Variants in MYH4 observed in about 807,000 individuals in gnomAD.
The protein encoded by MYH4 is myosin heavy chain 4.
A neutral mutation model predicts 229.9 loss-of-function variants in MYH4; 200 were observed. The observed-to-expected ratio is 0.87, with a 90% CI of 0.78 to 0.98. MYH4 has a LOEUF of 0.98. MYH4 is among the 50% of genes least tolerant of loss of function. The probability of loss-of-function intolerance (pLI) is 0.00; values close to 1 mark genes in which losing one functional copy is unlikely to be tolerated. For synonymous variants in MYH4, 761 were observed against 834.6 expected (o/e 0.91, Z 1.52); for missense variants, 2,148 against 2,332.6 (o/e 0.92, Z 1.63).
At chr17:10,465,746 G>T in intron 4 of MYH4, 148 bp from the exon 5 acceptor site, 1 of 940,406 alleles carries the variant, frequency 1.1e-6, no homozygotes, top group Non-Finnish European at 1.5e-6. Flanking sequence ...CATCATTGCT[G>T]CTGCACAAAA....
Position 10,453,152 on chromosome 17 carries a change from A to G in MYH4, c.3111T>C (p.Asp1037=), listed in dbSNP as rs761037249. The change falls in exon 24 of 40, where the codon GAT becomes GAC. Residue 1037 remains aspartate, a splice_region_variant and synonymous_variant. Transcript: ENST00000255381. ...AKTKLEQQVD[D]LEGSLEQEKK... The stretch of plus-strand genomic sequence containing the variant: ...GAAACATTTTCTTTTTCACACTTAC[A>G]TCGTCCACTTGCTGTTCTAGCTTGG... 9 of 1,614,136 alleles carry G rather than the reference A, an allele frequency of 5.6e-6. No individual in the cohort carries two copies. The highest frequency in any genetic ancestry group is 4.4e-5 in the South Asian group (4 of 91,082).
chr17:10,445,470 T>G, intron 35 of MYH4, 108 bp from the exon 36 acceptor site: 1 of 1,443,088 alleles, frequency 6.9e-7, no homozygotes, highest in Non-Finnish European at 9.4e-7. Flanking sequence ...AAGAAATGTT[T>G]AGAATAAAAA....
At chr17:10,468,864 C>G (rs2072793512) in intron 2 of MYH4, among the ~76,000 whole-genome samples, 1 of 152,186 alleles carries the variant, frequency 6.6e-6, no homozygotes, top group Admixed American at 6.5e-5. Context: ...ATTCCACTTG[C>G]AACACACTGT....
In MYH4 at chr17:10,443,747, C is replaced by T. The variant is rs571096789; in HGVS notation, c.5668-220G>A. Among the ~76,000 whole-genome samples, 1 of 152,044 alleles carries T rather than the reference C, an allele frequency of 6.6e-6. No homozygotes were observed. Among genetic ancestry groups the T allele is most frequent in the East Asian group, 1.9e-4 (1 of 5,164 alleles). The stretch of plus-strand genomic sequence containing the variant: ...ACCAGCCTGGCCAACATGGTGAAAC[C>T]CCCATCTTTACTAAAATTAGCCCAG... On this transcript the variant is annotated intron_variant, in intron 39 of 39. Transcript: ENST00000255381. This position sits in a 1 kb window ranked among gnomAD's most constrained non-coding sequence, Gnocchi z 4.6.
rs763676829 is a variant in MYH4 at position 10,449,022 on chromosome 17, C to T, written c.4207G>A (p.Asp1403Asn). ...ACAGCTTCTACATGTTCTTCTGCATCCTGCAGACGCTGGGCTAGCTTCTTC... is the reference window on the plus strand; with the variant it reads ...ACAGCTTCTACATGTTCTTCTGCATTCTGCAGACGCTGGGCTAGCTTCTTC... ...AKKKLAQRLQ[D>N]AEEHVEAVNS... is the part of the protein sequence containing the mutation. The change falls in exon 31 of 40, where the codon GAT (aspartate) becomes AAT (asparagine). Residue 1403 changes from aspartate (D) to asparagine (N), a missense_variant. Transcript: ENST00000255381. 6.8e-6 allele frequency: 11 copies of T among 1,613,980 alleles called. No homozygotes were observed. The highest frequency in any genetic ancestry group is 1.3e-5 in the African/African-American group (1 of 74,928).
rs201920700 is a variant in MYH4 at position 10,460,063 on chromosome 17, G to C, written c.1305C>G (p.Tyr435Ter). 1 of 1,614,042 alleles carries C rather than the reference G, an allele frequency of 6.2e-7. No homozygotes were observed. Among genetic ancestry groups the C allele is most frequent in the Non-Finnish European group, 8.5e-7 (1 of 1,180,022 alleles). Residue 435 changes from tyrosine to a stop codon, truncating the protein, a stop_gained, in exon 14 of 40, where the codon TAC (tyrosine) becomes TAG (stop). Coordinates refer to ENST00000255381, the MANE Select transcript of MYH4 (RefSeq NM_017533.2). LOFTEE classifies it high-confidence loss of function. ...TGACCATCCACAGGAACATCTTCTC[G>C]TAGATGGCTTTGGCCAGAGCACCCA... is the stretch of plus-strand genomic sequence containing the variant. ...NAVGALAKAI[Y>*]EKMFLWMVTR...
chr17:10,448,042 CA>C lies in MYH4; in HGVS notation c.4740del (p.Ile1580MetfsTer11). ...NQVKSEIDRK[I>X]AEKDEELDQL... ...TGATCGAGTTCTTCATCTTTTTCAG[CA>C]ATTTTTCGGTCAATCTCAGATTTCA... On this transcript the variant is annotated frameshift_variant, in exon 34 of 40. Transcript: ENST00000255381. LOFTEE classifies it high-confidence loss of function. 3 of 1,614,022 alleles carry C rather than the reference CA, an allele frequency of 1.9e-6. No individual in the cohort carries two copies. The highest frequency in any genetic ancestry group is 8.5e-7 in the Non-Finnish European group (1 of 1,179,986).
intron 7 of MYH4, 152 bp downstream of exon 7, chr17:10,464,320 G>C: frequency 1.4e-6 from 1 of 702,970 alleles, no homozygotes; most frequent in South Asian, 2.2e-5. Context: ...TCCTCATGTT[G>C]CTGCAAAAAA....
At chr17:10,461,867 C>T (rs1425838488) in intron 11 of MYH4, among the ~76,000 whole-genome samples, 1 of 152,100 alleles carries the variant, frequency 6.6e-6, no homozygotes, top group Admixed American at 6.5e-5. Context: ...AGACTCTTTC[C>T]CCAGATTATT....
At position 10,459,220 on chromosome 17, in the gene MYH4, A is replaced by C. The variant is rs762464051; in HGVS notation, c.1587+31T>G. 10 of 1,613,858 alleles carry C rather than the reference A, an allele frequency of 6.2e-6. No homozygotes were observed. In the East Asian group the frequency reaches 1.6e-4, roughly 25 times the overall value. ...CAGGGAGGCAAGCAATTTGGTTTTC[A>C]TGTTTTGAAAGCTAGAAAAGTCATA... On this transcript the variant is annotated intron_variant, in intron 15 of 39. Coordinates refer to ENST00000255381, the MANE Select transcript of MYH4 (RefSeq NM_017533.2).
Position 10,447,943 on chromosome 17 carries a change from C to T in MYH4, c.4840G>A (p.Asp1614Asn). ...TLDAEIRSRN[D>N]ALRIKKKMEG... is the part of the protein sequence containing the mutation. ...ATCTTCTTCTTGATCCTCAGAGCATCATTTCTGCTCCTGATCTCAGCATCC... is the reference window on the plus strand; with the variant it reads ...ATCTTCTTCTTGATCCTCAGAGCATTATTTCTGCTCCTGATCTCAGCATCC... Residue 1614 changes from aspartate (D) to asparagine (N), a missense_variant, in exon 34 of 40, where the codon GAT (aspartate) becomes AAT (asparagine). Asp to Asn is a conservative substitution (Grantham distance 23). Transcript: ENST00000255381. The T allele has an allele frequency of 6.2e-7, 1 of 1,614,054 alleles. No individual in the cohort carries two copies. The highest frequency in any genetic ancestry group is 1.1e-5 in the South Asian group (1 of 91,076).
chr17:10,459,158 C>T, intron 15 of MYH4, 93 bp downstream of exon 15: 1 of 1,596,824 alleles, frequency 6.3e-7, no homozygotes, highest in Non-Finnish European at 8.6e-7. Flanking sequence ...GGAAACAGCA[C>T]TGCTTGTTCT....
chr17:10,455,653 C>T lies in MYH4; in HGVS notation c.2135G>A (p.Gly712Asp). The change falls in exon 19 of 40, where the codon GGC (glycine) becomes GAC (aspartate). Residue 712 changes from glycine to aspartate, a missense_variant. Physicochemically the swap from Gly to Asp is moderately conservative, Grantham distance 94. Transcript: ENST00000255381. ...VLEGIRICRK[G>D]FPSRILYADF... is the part of the protein sequence containing the mutation. ...TGCATAAAGGATTCTGCTTGGGAAG[C>T]CTTTCCTGCAGATGCGGATGCCTTC... The T allele has an allele frequency of 6.2e-7, 1 of 1,614,044 alleles. No individual in the cohort carries two copies. The highest frequency in any genetic ancestry group is 8.5e-7 in the Non-Finnish European group (1 of 1,179,952).
At position 10,443,527 on chromosome 17, in the gene MYH4, C is replaced by G; in HGVS notation, c.5668G>C (p.Glu1890Gln). ...KAYKRQAEEAEEQSNVNLAKF... is the reference protein window; with the variant it reads ...KAYKRQAEEAQEQSNVNLAKF... Reference sequence around the variant, plus strand: ...GCAAGGTTGACATTGGATTGTTCCTCCTGAGAACAGAGATGCATTTGAGAT... The same window carrying G: ...GCAAGGTTGACATTGGATTGTTCCTGCTGAGAACAGAGATGCATTTGAGAT... Residue 1890 changes from glutamate (E) to glutamine (Q), a missense_variant and splice_region_variant, in exon 40 of 40, where the codon GAG becomes CAG. Physicochemically the swap from Glu to Gln is conservative, Grantham distance 29. Coordinates refer to ENST00000255381, the MANE Select transcript of MYH4 (RefSeq NM_017533.2). This position sits in a 1 kb window ranked among gnomAD's most constrained non-coding sequence, Gnocchi z 4.6. 6.2e-7 allele frequency: 1 copy of G among 1,610,884 alleles called. No homozygotes were observed.
At chr17:10,447,575 C>T (rs2072525421) in intron 34 of MYH4, among the ~76,000 whole-genome samples, 2 of 152,190 alleles carry the variant, frequency 1.3e-5, no homozygotes, top group Admixed American at 1.3e-4. Context: ...CAAACTCTTT[C>T]ATCACTTCCT....
Position 10,462,944 on chromosome 17 carries a change from G to A in MYH4, c.929C>T (p.Pro310Leu), listed in dbSNP as rs781091968. 1 of 1,613,946 alleles carries A rather than the reference G, an allele frequency of 6.2e-7. No homozygotes were observed. The highest frequency in any genetic ancestry group is 1.3e-5 in the African/African-American group (1 of 74,910). ...LIEMLLITTN[P>L]YDFAFVSQGE... is the part of the protein sequence containing the mutation. Reference sequence around the variant, plus strand: ...TTGGCTGACAAATGCGAAGTCATATGGGTTGGTGGTGATCAGAAGCATTTC... The same window carrying A: ...TTGGCTGACAAATGCGAAGTCATATAGGTTGGTGGTGATCAGAAGCATTTC... Residue 310 changes from proline to leucine, a missense_variant, in exon 11 of 40, where the codon CCA becomes CTA. Transcript: ENST00000255381.
At chr17:10,451,533 T>C (rs1158107538) in intron 27 of MYH4, 81 bp from the exon 28 acceptor site, 4 of 1,434,180 alleles carry the variant, frequency 2.8e-6, no homozygotes, top group Non-Finnish European at 3.8e-6. Flanking sequence ...TAACTACCTG[T>C]GGAAAGGGGC....
At position 10,445,382 on chromosome 17, in the gene MYH4, G is replaced by C. The variant is rs969029166; in HGVS notation, c.5170-20C>G. The C allele has an allele frequency of 1.9e-6, 3 of 1,593,276 alleles. No homozygotes were observed. Among genetic ancestry groups the C allele is most frequent in the Middle Eastern group, 1.7e-4 (1 of 6,026 alleles). On this transcript the variant is annotated intron_variant, in intron 35 of 39. Coordinates refer to ENST00000255381, the MANE Select transcript of MYH4 (RefSeq NM_017533.2). ...GGTGTTCTGTTTCAAATTAATGAAA[G>C]AGAAGAGAAGCACATTTACTTATAA...
At position 10,459,403 on chromosome 17, in the gene MYH4, G is replaced by A. The variant is rs1441465853; in HGVS notation, c.1435C>T (p.Leu479=). The A allele has an allele frequency of 6.2e-7, 1 of 1,614,016 alleles. No individual in the cohort carries two copies. Among genetic ancestry groups the A allele is most frequent in the Non-Finnish European group, 8.5e-7 (1 of 1,180,020 alleles). Residue 479 remains leucine, a synonymous_variant, in exon 15 of 40, where the codon CTG becomes TTG. Coordinates refer to ENST00000255381, the MANE Select transcript of MYH4 (RefSeq NM_017533.2). ...TTCTCGTTGGTGAAGTTGATGCACAGCTGCTCCAGGCTGTTGAACTACAGA... is the reference window on the plus strand; with the variant it reads ...TTCTCGTTGGTGAAGTTGATGCACAACTGCTCCAGGCTGTTGAACTACAGA... ...EIFDFNSLEQ[L]CINFTNEKLQ...
Sources: allele counts gnomAD v4.1 joint callset (sites outside exome capture counted in the v4.1 genomes callset), GRCh38; gene constraint gnomAD v4.1.1; non-coding constraint Gnocchi (gnomAD v3.1); transcripts MANE v1.5; gene names NCBI Gene and HGNC (gene_info 2026-07-23, HGNC 2026-07-21).